CSMD1: variants seen among roughly 807,000 people sequenced by gnomAD.
The protein encoded by CSMD1 is CUB and Sushi multiple domains 1, also known as CUB and sushi domain-containing protein 1.
Under a neutral mutation model 417.5 loss-of-function variants are expected in CSMD1, and 213 were observed. The observed-to-expected ratio is 0.51, with a 90% CI of 0.46 to 0.57. CSMD1 has a LOEUF of 0.57. Among genes scored for constraint, CSMD1 ranks in the 20% least tolerant of loss-of-function variants. The probability of loss-of-function intolerance (pLI) is 0.00; values close to 1 mark genes in which losing one functional copy is unlikely to be tolerated. For missense variants in CSMD1, 6,923 were observed against 4,529.7 expected, an observed-to-expected ratio of 1.53 and a Z score of -15.17; for synonymous variants, 2,862 against 1,736.8, an observed-to-expected ratio of 1.65 and a Z score of -16.11.
At chr8:3,072,925 A>T (rs1052239378) in intron 49 of CSMD1, among the ~76,000 whole-genome samples, 1 of 152,202 alleles carries the variant, frequency 6.6e-6, no homozygotes, top group Non-Finnish European at 1.5e-5. Flanking sequence ...CAAGTGTCAG[A>T]TAATATTAAG....
intron 3 of CSMD1, among the ~76,000 whole-genome samples, chr8:4,291,135 T>C (rs1262522977): frequency 6.6e-6 from 1 of 152,142 alleles, no homozygotes; most frequent in Non-Finnish European, 1.5e-5. Context: ...GGAATCTGAG[T>C]CTTAATATGG....
chr8:3,106,583 C>T lies in CSMD1; in HGVS notation c.6894G>A (p.Leu2298=), dbSNP rs746733736. ...GCAACTGGGAACTGAGCTTGCAAGT[C>T]AGAATGTCGGTCCCCACCAAGGTGT... ...PGYTLVGTDI[L]TCKLSSQLQF... Residue 2298 remains leucine (L), a synonymous_variant, in exon 46 of 70, where the codon CTG becomes CTA. Coordinates refer to ENST00000635120, the MANE Select transcript of CSMD1 (RefSeq NM_033225.6). The T allele has an allele frequency of 6.2e-7, 1 of 1,613,704 alleles. No individual in the cohort carries two copies. Among genetic ancestry groups the T allele is most frequent in the African/African-American group, 1.3e-5 (1 of 74,884 alleles).
intron 25 of CSMD1, among the ~76,000 whole-genome samples, chr8:3,306,456 G>A (rs535940519): frequency 6.6e-6 from 1 of 152,154 alleles, no homozygotes; most frequent in Non-Finnish European, 1.5e-5. Flanking sequence ...ATGAGCCACT[G>A]TGCCCAGCCT....
At position 3,233,271 on chromosome 8, in the gene CSMD1, G is replaced by A. The variant is rs115439263; in HGVS notation, c.4154-3040C>T. ...TAAATTAGTGGATTAACGGATTTAT[G>A]GGCTATCACAGGAGGGGAATTGGTG... is the stretch of plus-strand genomic sequence containing the variant. On this transcript the variant is annotated intron_variant, in intron 26 of 69. Transcript: ENST00000635120. 2.2e-3 allele frequency among the ~76,000 whole-genome samples: 341 copies of A among 152,230 alleles called. 1 individual carries two copies. Among genetic ancestry groups the A allele is most frequent in the African/African-American group, 7.2e-3 (301 of 41,556 alleles).
At chr8:4,650,461 CT>C (rs1305030012) in intron 1 of CSMD1, among the ~76,000 whole-genome samples, 1 of 150,738 alleles carries the variant, frequency 6.6e-6, no homozygotes. Context: ...GGCCTTTCAA[CT>C]TTTAACTTGC....
chr8:3,817,557 G>C (rs1801457595), intron 5 of CSMD1, among the ~76,000 whole-genome samples: 1 of 151,960 alleles, frequency 6.6e-6, no homozygotes, highest in South Asian at 2.1e-4. Context: ...GGGATTGCAG[G>C]CATGAGCCAC....
chr8:3,519,224 T>C (rs1437673516), intron 10 of CSMD1, among the ~76,000 whole-genome samples: 2 of 152,244 alleles, frequency 1.3e-5, no homozygotes, highest in Admixed American at 6.5e-5. Flanking sequence ...ACCAACACTT[T>C]TTCTTTCCCT....
At position 4,508,161 on chromosome 8, in the gene CSMD1, T is replaced by TA. The variant is rs1282384321; in HGVS notation, c.303-88097_303-88096insT. On this transcript the variant is annotated intron_variant, in intron 2 of 69. Coordinates refer to ENST00000635120, the MANE Select transcript of CSMD1 (RefSeq NM_033225.6). ...GTAGGAGGCAGGGGAAGAGGTAATA[T>TA]TTTTTTTTTTTTCAATTCTGAGGAG... is the stretch of plus-strand genomic sequence containing the variant. Among the ~76,000 whole-genome samples the TA allele has an allele frequency of 1.2e-3, 10 of 8,150 alleles. No individual in the cohort carries two copies. The East Asian group carries it at 0.021, about 17-fold the overall frequency. The allele number at this position is 8,150 out of a possible 152,430, so 5.3% of individuals were successfully genotyped here.
intron 3 of CSMD1, among the ~76,000 whole-genome samples, chr8:4,087,780 T>C (rs1269579625): frequency 6.6e-6 from 1 of 152,188 alleles, no homozygotes; most frequent in African/African-American, 2.4e-5. Flanking sequence ...TTTTCTCTTT[T>C]ATATTGTCTC....
intron 17 of CSMD1, among the ~76,000 whole-genome samples, chr8:3,389,904 C>T (rs756015667): frequency 9.9e-5 from 15 of 152,108 alleles, no homozygotes; most frequent in African/African-American, 1.4e-4. Flanking sequence ...TTGAAATATG[C>T]AGACATTGTT....
intron 26 of CSMD1, among the ~76,000 whole-genome samples, chr8:3,245,656 A>G (rs139207075): frequency 1.4e-4 from 22 of 152,318 alleles, no homozygotes; most frequent in Middle Eastern, 3.4e-3. Context: ...CCAAGTTGCA[A>G]AACGGCCTCC....
At chr8:3,850,321 G>C (rs1215913912) in intron 5 of CSMD1, among the ~76,000 whole-genome samples, 2 of 152,136 alleles carry the variant, frequency 1.3e-5, no homozygotes, top group South Asian at 2.1e-4. Context: ...GTTTTCCATA[G>C]GGTCTCACCC....
At chr8:4,089,526 A>T (rs971923214) in intron 3 of CSMD1, among the ~76,000 whole-genome samples, 1 of 152,188 alleles carries the variant, frequency 6.6e-6, no homozygotes, top group Non-Finnish European at 1.5e-5. Context: ...AGTCTTATAT[A>T]GCATTCTGAT....
chr8:4,773,455 C>T (rs935821121), intron 1 of CSMD1, among the ~76,000 whole-genome samples: 1 of 152,110 alleles, frequency 6.6e-6, no homozygotes, highest in South Asian at 2.1e-4. Flanking sequence ...CCTGTGCACC[C>T]CAGAGCAGCA....
intron 49 of CSMD1, among the ~76,000 whole-genome samples, chr8:3,074,779 A>G (rs953461781): frequency 1.3e-5 from 2 of 152,222 alleles, no homozygotes; most frequent in African/African-American, 4.8e-5. Context: ...TTTTGGATAT[A>G]AAATAATGTG....
At chr8:3,166,044 G>C (rs1259168732) in intron 37 of CSMD1, among the ~76,000 whole-genome samples, 1 of 152,074 alleles carries the variant, frequency 6.6e-6, no homozygotes, top group Non-Finnish European at 1.5e-5. Context: ...CACTGTATTA[G>C]TCAAAATGTG....
intron 2 of CSMD1, among the ~76,000 whole-genome samples, chr8:4,429,399 G>T (rs191038775): frequency 6.6e-6 from 1 of 151,778 alleles, no homozygotes; most frequent in African/African-American, 2.4e-5. Context: ...AAACTATATC[G>T]GACAAAGAAA....
intron 1 of CSMD1, among the ~76,000 whole-genome samples, chr8:4,897,404 C>T (rs1437721343): frequency 6.6e-6 from 1 of 152,060 alleles, no homozygotes; most frequent in African/African-American, 2.4e-5. Context: ...AAAAAAGTTA[C>T]AACAAATATG....
At chr8:3,693,531 T>A (rs542532878) in intron 7 of CSMD1, among the ~76,000 whole-genome samples, 1 of 152,298 alleles carries the variant, frequency 6.6e-6, no homozygotes, top group South Asian at 2.1e-4. Context: ...CCATTATACA[T>A]ATCGTTACTG....
Sources: gnomAD v4.1 joint callset for allele counts (sites outside exome capture counted in the v4.1 genomes callset) on GRCh38, gnomAD v4.1.1 for gene constraint, MANE v1.5 for transcripts, NCBI Gene and HGNC (gene_info 2026-07-23, HGNC 2026-07-21) for gene names.